SAMD5: variants seen among roughly 807,000 people sequenced by gnomAD.
SAMD5 encodes sterile alpha motif domain containing 5.
In SAMD5, 13 loss-of-function variants were observed where a neutral mutation model predicts 11.3. The ratio of observed to expected loss-of-function variants is 1.15; its 90% CI spans 0.75 to 1.83. The LOEUF is 1.83. Ranked by LOEUF, SAMD5 falls within the 40% of genes most tolerant of loss-of-function variation. The pLI, the probability that SAMD5 is intolerant of heterozygous loss-of-function variation, is 0.00. For synonymous variants in SAMD5, 129 were observed against 111.3 expected, an observed-to-expected ratio of 1.16 and a Z score of -1.00; for missense variants, 255 against 239.1, an observed-to-expected ratio of 1.07 and a Z score of -0.44.
chr6:147,596,725 TA>T (rs1327104761), intron 1 of SAMD5, among the ~76,000 whole-genome samples: 2 of 152,244 alleles, frequency 1.3e-5, no homozygotes, highest in African/African-American at 2.4e-5. Flanking sequence ...CTTTTACAGT[TA>T]TTTTTTTAAA....
At chr6:147,837,597 C>T in the SAMD5 span, among the ~76,000 whole-genome samples, 10 of 152,114 alleles carry the variant, frequency 6.6e-5, no homozygotes, top group Non-Finnish European at 1.2e-4. Flanking sequence ...TCCACAATGG[C>T]GGCTGGCCTT....
At chr6:147,807,204 A>G in the SAMD5 span, among the ~76,000 whole-genome samples, 2 of 151,900 alleles carry the variant, frequency 1.3e-5, no homozygotes, top group African/African-American at 2.4e-5. Flanking sequence ...GGTTCATGCC[A>G]TTCTCCTACC....
chr6:147,849,819 T>C, the SAMD5 span, among the ~76,000 whole-genome samples: 15 of 152,216 alleles, frequency 9.9e-5, no homozygotes, highest in African/African-American at 3.4e-4. Flanking sequence ...GGGATCAATC[T>C]AGACAAAGAG....
intron 1 of SAMD5, among the ~76,000 whole-genome samples, chr6:147,603,893 G>GGAGTT (rs1789659763): frequency 6.6e-6 from 1 of 152,172 alleles, no homozygotes; most frequent in East Asian, 1.9e-4. Context: ...TGGGCAGGAT[G>GGAGTT]GAGTTAGTCT....
the SAMD5 span, among the ~76,000 whole-genome samples, chr6:147,760,464 A>C: frequency 6.6e-6 from 1 of 152,140 alleles, no homozygotes; most frequent in Non-Finnish European, 1.5e-5. Context: ...CAGCAAACCA[A>C]CTTGAGCCAG....
chr6:147,791,847 A>G, the SAMD5 span, among the ~76,000 whole-genome samples: 7 of 152,218 alleles, frequency 4.6e-5, no homozygotes. Flanking sequence ...AGAAGGCTGC[A>G]TATTTTATGC....
intron 1 of SAMD5, among the ~76,000 whole-genome samples, chr6:147,592,830 C>T (rs1381826786): frequency 6.6e-6 from 1 of 152,118 alleles, no homozygotes; most frequent in Non-Finnish European, 1.5e-5. Context: ...AGATGGTTAG[C>T]ACAGCTATTA....
the SAMD5 span, among the ~76,000 whole-genome samples, chr6:147,747,481 TGTA>T: frequency 6.6e-6 from 1 of 152,182 alleles, no homozygotes; most frequent in Non-Finnish European, 1.5e-5. Context: ...ATACCATTCT[TGTA>T]GTAATTTTGC....
chr6:147,731,652 CAAAAA>C (rs4052655), intron 1 of SAMD5, among the ~76,000 whole-genome samples: 4 of 90,126 alleles, frequency 4.4e-5, no homozygotes, highest in Admixed American at 3.3e-4. Context: ...CTGGCCACTA[CAAAAA>C]AAAAAAAAAA....
chr6:147,893,179 G>A, the SAMD5 span, among the ~76,000 whole-genome samples: 1 of 150,818 alleles, frequency 6.6e-6, no homozygotes, highest in Admixed American at 6.6e-5. Context: ...TCCAGCCTGG[G>A]CAATGAGAGC....
At chr6:147,732,342 A>G (rs1791727834) in intron 1 of SAMD5, among the ~76,000 whole-genome samples, 1 of 152,202 alleles carries the variant, frequency 6.6e-6, no homozygotes, top group Non-Finnish European at 1.5e-5. Context: ...TTTCTCTCGT[A>G]TATTACTGCT....
chr6:147,789,861 G>A, the SAMD5 span, among the ~76,000 whole-genome samples: 1 of 152,128 alleles, frequency 6.6e-6, no homozygotes, highest in African/African-American at 2.4e-5. Context: ...TCTCATTAAG[G>A]AAATATAAAT....
Position 147,564,523 on chromosome 6 carries a change from A to G in SAMD5, c.*67A>G. Reference sequence around the variant, plus strand: ...GAAGACTGGAAAAGGGCATATTTAGAACCTTCTTTCAAAAAGGGAAATGGA... The same window carrying G: ...GAAGACTGGAAAAGGGCATATTTAGGACCTTCTTTCAAAAAGGGAAATGGA... On this transcript the variant is annotated 3_prime_UTR_variant, in exon 2 of 2. Transcript: ENST00000367474. 1.1e-5 allele frequency: 10 copies of G among 909,068 alleles called. No individual in the cohort carries two copies. In the South Asian group the frequency reaches 1.2e-4, roughly 11 times the overall value. 56.3% of individuals were successfully genotyped at this position (909,068 alleles called of 1,614,324 possible).
At chr6:147,804,286 A>G in the SAMD5 span, among the ~76,000 whole-genome samples, 1 of 150,372 alleles carries the variant, frequency 6.7e-6, no homozygotes, top group Non-Finnish European at 1.5e-5. Flanking sequence ...TTTTTTTTGT[A>G]TTTTTAGTAG....
chr6:147,527,500 C>G (rs1446706611), intron 1 of SAMD5, among the ~76,000 whole-genome samples: 1 of 152,174 alleles, frequency 6.6e-6, no homozygotes, highest in Non-Finnish European at 1.5e-5. Context: ...TCCCACCAGG[C>G]CCCACCTCCA....
intron 1 of SAMD5, among the ~76,000 whole-genome samples, chr6:147,657,703 G>T (rs1282415043): frequency 6.6e-6 from 1 of 152,166 alleles, no homozygotes. Flanking sequence ...CTGCTTGCTG[G>T]TTCATAGACG....
At chr6:147,558,616 ACT>A (rs1788895228) in intron 1 of SAMD5, among the ~76,000 whole-genome samples, 1 of 150,516 alleles carries the variant, frequency 6.6e-6, no homozygotes, top group African/African-American at 2.4e-5. Flanking sequence ...CCTCCTAGAA[ACT>A]CTGCCCTTGC....
At chr6:147,534,055 AG>A (rs1341599711) in intron 1 of SAMD5, among the ~76,000 whole-genome samples, 2 of 145,264 alleles carry the variant, frequency 1.4e-5, no homozygotes, top group Admixed American at 6.8e-5. Context: ...GCCCATAAGG[AG>A]GGCCAGGAGG....
chr6:147,522,717 G>T (rs1231000615), intron 1 of SAMD5, among the ~76,000 whole-genome samples: 2 of 152,082 alleles, frequency 1.3e-5, no homozygotes, highest in Admixed American at 6.6e-5. Context: ...AATGGTTGTT[G>T]TCATGATACC....
Sources: gnomAD v4.1 joint callset for allele counts (sites outside exome capture counted in the v4.1 genomes callset) on GRCh38, gnomAD v4.1.1 for gene constraint, MANE v1.5 for transcripts, NCBI Gene and HGNC (gene_info 2026-07-23, HGNC 2026-07-21) for gene names.